Variants in ABCG1 observed in about 807,000 individuals in gnomAD.
ABCG1 encodes the protein ATP-binding cassette sub-family G member 1.
In ABCG1, 29 loss-of-function variants were observed where a neutral mutation model predicts 69.2. That is an observed-to-expected ratio of 0.42 (90% CI 0.31 to 0.57). The LOEUF is 0.57. ABCG1 is among the 20% of genes least tolerant of loss of function. The probability of loss-of-function intolerance (pLI) is 0.15; values close to 1 mark genes in which losing one functional copy is unlikely to be tolerated. For missense variants in ABCG1, 718 were observed against 898.1 expected, an observed-to-expected ratio of 0.80 and a Z score of 2.56; for synonymous variants, 370 against 374.8, an observed-to-expected ratio of 0.99 and a Z score of 0.15.
Position 42,288,364 on chromosome 21 carries a change from C to A in ABCG1, c.1224+52C>A. The A allele has an allele frequency of 7.4e-7, 1 of 1,347,972 alleles. No individual in the cohort carries two copies. Among genetic ancestry groups the A allele is most frequent in the Non-Finnish European group, 1.1e-6 (1 of 942,122 alleles). 83.5% of individuals were successfully genotyped at this position (1,347,972 alleles called of 1,614,324 possible). On this transcript the variant is annotated intron_variant, in intron 10 of 14. Coordinates refer to ENST00000398449, the MANE Select transcript of ABCG1 (RefSeq NM_016818.3). This position sits in a 1 kb window ranked among gnomAD's most constrained non-coding sequence, Gnocchi z 4.8. ...AGCTGGGGAACCCGTGGGTCATTTT[C>A]TCAGACTCGTCCTGACGGAATGTGT...
chr21:42,266,706 A>G (rs1375978260), intron 2 of ABCG1, among the ~76,000 whole-genome samples: 1 of 152,198 alleles, frequency 6.6e-6, no homozygotes, highest in Admixed American at 6.5e-5. Context: ...ATTTTGTGTT[A>G]AGGAGCAAGG....
At chr21:42,294,422 A>G (rs949310525) in intron 13 of ABCG1, 120 bp from the exon 14 acceptor site, 69 of 777,266 alleles carry the variant, frequency 8.9e-5, no homozygotes, top group South Asian at 7.1e-4. Flanking sequence ...AAGCATCATC[A>G]TTACCCTGCC....
At chr21:42,284,509 T>C in intron 6 of ABCG1, 51 bp from the exon 7 acceptor site, 1 of 1,597,668 alleles carries the variant, frequency 6.3e-7, no homozygotes, top group Non-Finnish European at 8.5e-7. Flanking sequence ...CCTGGGGCAG[T>C]GGCTAGTTCC....
At chr21:42,245,973 A>G (rs1370982304) in intron 2 of ABCG1, among the ~76,000 whole-genome samples, 3 of 152,100 alleles carry the variant, frequency 2.0e-5, no homozygotes, top group Non-Finnish European at 4.4e-5. Context: ...ATGGCCTGGA[A>G]TTCGATCAAG....
At chr21:42,280,373 G>T (rs375282633) in intron 5 of ABCG1, among the ~76,000 whole-genome samples, 18 of 152,202 alleles carry the variant, frequency 1.2e-4, no homozygotes, top group African/African-American at 4.1e-4. Context: ...CAGCAAAGCA[G>T]CCTCAGCCCT....
upstream of ABCG1, among the ~76,000 whole-genome samples, chr21:42,217,408 C>T: frequency 6.6e-6 from 1 of 152,120 alleles, no homozygotes; most frequent in East Asian, 1.9e-4. Flanking sequence ...CCTGTCTGTT[C>T]CTGGAGCGAG....
intron 2 of ABCG1, among the ~76,000 whole-genome samples, chr21:42,240,130 G>A (rs962040981): frequency 1.8e-4 from 28 of 152,226 alleles, no homozygotes; most frequent in African/African-American, 5.3e-4. Context: ...GGATGAGGGC[G>A]GCTGTAGCCT....
intron 2 of ABCG1, among the ~76,000 whole-genome samples, chr21:42,265,856 TA>T (rs1032240148): frequency 2.6e-5 from 4 of 152,116 alleles, no homozygotes; most frequent in Admixed American, 2.6e-4. Context: ...GCCTCCCCCT[TA>T]GTGAGGCAGC....
chr21:42,207,266 G>T (rs542613655), intron 2 of ABCG1, among the ~76,000 whole-genome samples: 1 of 151,950 alleles, frequency 6.6e-6, no homozygotes, highest in African/African-American at 2.4e-5. Context: ...TTCATTTTTT[G>T]TTCAGCTTGT....
chr21:42,229,440 C>G (rs768622325), intron 2 of ABCG1, among the ~76,000 whole-genome samples: 1 of 152,124 alleles, frequency 6.6e-6, no homozygotes, highest in Non-Finnish European at 1.5e-5. Flanking sequence ...CTGGTTCTGG[C>G]CGGGCACAGT....
chr21:42,273,395 A>G lies in ABCG1; in HGVS notation c.497A>G (p.Asp166Gly), dbSNP rs778526675. The stretch of plus-strand genomic sequence containing the variant: ...GTGTCCTGCTACATCATGCAGGATG[A>G]CATGCTGCTGCCGCATCTCACTGTG... ...RKVSCYIMQDDMLLPHLTVQE... is the reference protein window; with the variant it reads ...RKVSCYIMQDGMLLPHLTVQE... Residue 166 changes from aspartate (D) to glycine (G), a missense_variant, in exon 4 of 15, where the codon GAC (aspartate) becomes GGC (glycine). Coordinates refer to ENST00000398449, the MANE Select transcript of ABCG1 (RefSeq NM_016818.3). This position sits in a 1 kb window ranked among gnomAD's most constrained non-coding sequence, Gnocchi z 5.3. 1 of 1,613,904 alleles carries G rather than the reference A, an allele frequency of 6.2e-7. No individual in the cohort carries two copies. The highest frequency in any genetic ancestry group is 8.5e-7 in the Non-Finnish European group (1 of 1,179,970).
chr21:42,238,084 A>C (rs1329166743), intron 2 of ABCG1, among the ~76,000 whole-genome samples: 1 of 152,184 alleles, frequency 6.6e-6, no homozygotes, highest in Non-Finnish European at 1.5e-5. Flanking sequence ...ATTTTGCTAA[A>C]AATTGATTTT....
At chr21:42,211,021 G>T (rs370450665) in intron 2 of ABCG1, among the ~76,000 whole-genome samples, 7 of 149,430 alleles carry the variant, frequency 4.7e-5, no homozygotes, top group Admixed American at 2.0e-4. Context: ...GTGCAGTGGC[G>T]TGATCTCAGC....
At chr21:42,217,241 A>AG (rs2067650904), upstream of ABCG1, among the ~76,000 whole-genome samples, 1 of 152,116 alleles carries the variant, frequency 6.6e-6, no homozygotes, top group Admixed American at 6.5e-5. Context: ...GGGGTAGAAG[A>AG]GGGGGAATGT....
chr21:42,212,411 C>T (rs1202155192), upstream of ABCG1, among the ~76,000 whole-genome samples: 1 of 152,026 alleles, frequency 6.6e-6, no homozygotes, highest in Non-Finnish European at 1.5e-5. Flanking sequence ...ATGTAAGTGG[C>T]TGTGATCAGA....
intron 2 of ABCG1, among the ~76,000 whole-genome samples, chr21:42,257,348 T>C (rs1018095987): frequency 3.3e-5 from 5 of 152,256 alleles, no homozygotes; most frequent in Admixed American, 6.5e-5. Context: ...AGAATATCCA[T>C]GGCACCCGCA....
At chr21:42,282,462 A>G (rs766322404) in intron 6 of ABCG1, 43 bp downstream of exon 6, 1 of 1,561,340 alleles carries the variant, frequency 6.4e-7, no homozygotes, top group South Asian at 1.2e-5. Flanking sequence ...GGCAGGAAGA[A>G]CCCCCTGTAT....
In ABCG1 at chr21:42,296,236, G is replaced by C; in HGVS notation, c.1845G>C (p.Glu615Asp). Residue 615 changes from glutamate to aspartate, a missense_variant, in exon 15 of 15, where the codon GAG becomes GAC. Physicochemically the swap from Glu to Asp is conservative, Grantham distance 45. Coordinates refer to ENST00000398449, the MANE Select transcript of ABCG1 (RefSeq NM_016818.3). The surrounding 1 kb of genome is among the most constrained non-coding windows in gnomAD (Gnocchi z 5.4). ...DREDLHCDID[E>D]TCHFQKSEAI... ...AAGATCTGCACTGTGACATCGACGA[G>C]ACGTGCCACTTCCAGAAGTCGGAGG... 6.2e-7 allele frequency: 1 copy of C among 1,614,172 alleles called. No individual in the cohort carries two copies. Among genetic ancestry groups the C allele is most frequent in the Non-Finnish European group, 8.5e-7 (1 of 1,180,032 alleles).
chr21:42,275,842 G>A (rs991303262), intron 4 of ABCG1, among the ~76,000 whole-genome samples: 3 of 152,256 alleles, frequency 2.0e-5, no homozygotes, highest in African/African-American at 4.8e-5. Flanking sequence ...GCCCGTTGCG[G>A]AGTCCGGATC....
Sources: gnomAD v4.1 joint callset for allele counts (sites outside exome capture counted in the v4.1 genomes callset) on GRCh38, gnomAD v4.1.1 for gene constraint, Gnocchi (gnomAD v3.1) non-coding constraint, MANE v1.5 for transcripts, NCBI Gene and HGNC (gene_info 2026-07-23, HGNC 2026-07-21) for gene names.